The following AKAP6 variants were observed in gnomAD, a reference collection of about 807,000 sequenced individuals.
AKAP6 encodes A-kinase anchor protein 6.
A neutral mutation model predicts 188.5 loss-of-function variants in AKAP6; 58 were observed. The ratio of observed to expected loss-of-function variants is 0.31; its 90% confidence interval spans 0.25 to 0.38. AKAP6 has a LOEUF of 0.38. Among genes scored for constraint, AKAP6 ranks in the 10% least tolerant of loss-of-function variants. The pLI, the probability that AKAP6 is intolerant of heterozygous loss-of-function variation, is 1.00. For synonymous variants in AKAP6, 989 were observed against 998.6 expected (o/e 0.99, Z 0.18); for missense variants, 2,710 against 2,740.0 (o/e 0.99, Z 0.24).
chr14:32,795,525 C>T (rs1348515664), intron 12 of AKAP6, among the ~76,000 whole-genome samples: 1 of 151,948 alleles, frequency 6.6e-6, no homozygotes, highest in African/African-American at 2.4e-5. Context: ...ATAAACAGAA[C>T]TAAAGACAAA....
intron 9 of AKAP6, among the ~76,000 whole-genome samples, chr14:32,698,204 A>G (rs902792204): frequency 5.3e-5 from 8 of 152,154 alleles, no homozygotes; most frequent in Non-Finnish European, 1.0e-4. Flanking sequence ...AATTAGAAAA[A>G]TTGATGAGAA....
chr14:32,791,319 A>T (rs1026437207), intron 12 of AKAP6, among the ~76,000 whole-genome samples: 12 of 152,162 alleles, frequency 7.9e-5, no homozygotes, highest in Non-Finnish European at 1.2e-4. Context: ...TCTAACAGTC[A>T]TGAGATGGTA....
chr14:32,583,509 C>G (rs951943566), intron 5 of AKAP6, among the ~76,000 whole-genome samples: 7 of 152,210 alleles, frequency 4.6e-5, no homozygotes, highest in Non-Finnish European at 7.3e-5. Context: ...TCAAAGGTGT[C>G]AGACAGGGAC....
At chr14:32,749,740 G>A (rs2032053809) in intron 11 of AKAP6, among the ~76,000 whole-genome samples, 1 of 152,192 alleles carries the variant, frequency 6.6e-6, no homozygotes, top group African/African-American at 2.4e-5. Context: ...AGATATGTAA[G>A]ACATACAATT....
chr14:32,330,668 A>T (rs1162789050), intron 1 of AKAP6, among the ~76,000 whole-genome samples: 1 of 143,880 alleles, frequency 7.0e-6, no homozygotes, highest in East Asian at 2.0e-4. Flanking sequence ...AAAGAGATAT[A>T]TCATGGAAAG....
chr14:32,439,456 G>T (rs1223047506), intron 2 of AKAP6, among the ~76,000 whole-genome samples: 1 of 152,186 alleles, frequency 6.6e-6, no homozygotes, highest in African/African-American at 2.4e-5. Context: ...GCTGGCACCA[G>T]GGCAGTGTGG....
chr14:32,800,777 G>T (rs1315963994), intron 12 of AKAP6, among the ~76,000 whole-genome samples: 1 of 152,224 alleles, frequency 6.6e-6, no homozygotes, highest in Admixed American at 6.5e-5. Flanking sequence ...CATTTTGGGA[G>T]GCCAAAGTGT....
chr14:32,710,016 G>A (rs1217883330), intron 9 of AKAP6, among the ~76,000 whole-genome samples: 2 of 151,840 alleles, frequency 1.3e-5, no homozygotes, highest in Non-Finnish European at 2.9e-5. Context: ...ATATCTGAGA[G>A]GCTTTAACAA....
intron 2 of AKAP6, among the ~76,000 whole-genome samples, chr14:32,465,908 T>C (rs1327176489): frequency 1.3e-5 from 2 of 152,140 alleles, no homozygotes; most frequent in African/African-American, 4.8e-5. Context: ...CATCAAAATG[T>C]GGGAGAAGGA....
chr14:32,595,041 T>C (rs1171668856), intron 5 of AKAP6, among the ~76,000 whole-genome samples: 7 of 152,126 alleles, frequency 4.6e-5, no homozygotes, highest in Non-Finnish European at 8.8e-5. Flanking sequence ...TTTTCTTCTA[T>C]TCACTTAGAA....
intron 8 of AKAP6, among the ~76,000 whole-genome samples, chr14:32,683,308 C>T (rs1419544127): frequency 6.6e-6 from 1 of 152,032 alleles, no homozygotes; most frequent in Admixed American, 6.6e-5. Context: ...CCAGGTGAAT[C>T]TAATGCTGAA....
chr14:32,736,869 G>A (rs2031452877), intron 11 of AKAP6, among the ~76,000 whole-genome samples: 1 of 152,050 alleles, frequency 6.6e-6, no homozygotes, highest in African/African-American at 2.4e-5. Flanking sequence ...AACCCTAGTG[G>A]AGGCACCCTC....
chr14:32,548,638 G>A (rs1399458854), intron 4 of AKAP6, among the ~76,000 whole-genome samples: 1 of 152,034 alleles, frequency 6.6e-6, no homozygotes, highest in Admixed American at 6.5e-5. Flanking sequence ...GACACAGATA[G>A]ACAGACTGAC....
intron 12 of AKAP6, among the ~76,000 whole-genome samples, chr14:32,813,389 A>AACCCC (rs2034290908): frequency 1.5e-5 from 1 of 65,290 alleles, no homozygotes; most frequent in African/African-American, 6.3e-5. Flanking sequence ...CTCTAACCCT[A>AACCCC]CCCCCCCCCC....
intron 1 of AKAP6, among the ~76,000 whole-genome samples, chr14:32,362,809 T>C (rs879310684): frequency 6.6e-6 from 1 of 152,170 alleles, no homozygotes; most frequent in African/African-American, 2.4e-5. Context: ...AAAATCACTT[T>C]TTTGACAACT....
intron 11 of AKAP6, among the ~76,000 whole-genome samples, chr14:32,763,320 C>A (rs2032601141): frequency 6.6e-6 from 1 of 152,052 alleles, no homozygotes; most frequent in Admixed American, 6.6e-5. Flanking sequence ...ATGTGACAGC[C>A]AAGATATTAT....
chr14:32,662,888 T>C (rs955527924), intron 7 of AKAP6, among the ~76,000 whole-genome samples: 1 of 152,098 alleles, frequency 6.6e-6, no homozygotes, highest in African/African-American at 2.4e-5. Context: ...ACATTTTTAC[T>C]TGGCATTTTT....
intron 2 of AKAP6, among the ~76,000 whole-genome samples, chr14:32,442,802 G>T (rs1213769944): frequency 4.6e-5 from 7 of 151,972 alleles, no homozygotes; most frequent in African/African-American, 1.7e-4. Flanking sequence ...ATGAAGTCCT[G>T]GGGTCCCTTT....
At chr14:32,662,827 C>G (rs1888759967) in intron 7 of AKAP6, among the ~76,000 whole-genome samples, 1 of 152,028 alleles carries the variant, frequency 6.6e-6, no homozygotes, top group Non-Finnish European at 1.5e-5. Flanking sequence ...AGAATCAATT[C>G]TTTCTTTAGG....
Sources: allele counts gnomAD v4.1 joint callset (sites outside exome capture counted in the v4.1 genomes callset), GRCh38; gene constraint gnomAD v4.1.1; transcripts MANE v1.5; gene names NCBI Gene and HGNC (gene_info 2026-07-23, HGNC 2026-07-21).